The following VWA8 variants were observed in gnomAD, a reference collection of about 807,000 sequenced individuals.
VWA8 encodes the protein von Willebrand factor A domain-containing protein 8.
VWA8 carries 221 observed loss-of-function variants against 241.5 expected under a neutral mutation model. That is an observed-to-expected ratio of 0.91 (90% CI 0.82 to 1.02). The LOEUF is 1.02. Ranked by LOEUF, VWA8 falls within the 50% of genes least tolerant of loss-of-function variation. VWA8 has a pLI of 0.00. For synonymous variants in VWA8, 852 were observed against 827.1 expected (o/e 1.03, Z -0.52); for missense variants, 2,322 against 2,328.7 (o/e 1.00, Z 0.06).
chr13:41,893,701 T>C (rs913563998), intron 4 of VWA8, among the ~76,000 whole-genome samples: 11 of 152,032 alleles, frequency 7.2e-5, no homozygotes, highest in African/African-American at 1.9e-4. Context: ...CTGGCCAATA[T>C]TGTGAAACCC....
At chr13:41,784,946 A>G (rs1869118233) in intron 18 of VWA8, among the ~76,000 whole-genome samples, 1 of 151,244 alleles carries the variant, frequency 6.6e-6, no homozygotes, top group Non-Finnish European at 1.5e-5. Context: ...TTTGCTTTAA[A>G]TAGGTTGACC....
intron 13 of VWA8, 22 bp from the exon 14 acceptor site, chr13:41,830,664 C>T (rs58973858): frequency 1.9e-6 from 3 of 1,601,408 alleles, no homozygotes; most frequent in Non-Finnish European, 2.6e-6. Context: ...AGAAAAAAGC[C>T]CGAAAATAAA....
intron 37 of VWA8, among the ~76,000 whole-genome samples, chr13:41,616,822 G>C (rs1269051478): frequency 2.6e-5 from 4 of 152,136 alleles, no homozygotes; most frequent in African/African-American, 9.7e-5. Flanking sequence ...CATCTCATCA[G>C]ACAGCGCAGC....
chr13:41,928,227 T>C (rs1876939707), intron 2 of VWA8, among the ~76,000 whole-genome samples: 1 of 152,176 alleles, frequency 6.6e-6, no homozygotes, highest in Non-Finnish European at 1.5e-5. Context: ...ATACTGAGTT[T>C]GAATTGCACC....
At position 41,833,417 on chromosome 13, in the gene VWA8, C is replaced by G; in HGVS notation, c.1540G>C (p.Asp514His). The G allele has an allele frequency of 6.2e-7, 1 of 1,613,858 alleles. No homozygotes were observed. Among genetic ancestry groups the G allele is most frequent in the Non-Finnish European group, 8.5e-7 (1 of 1,179,910 alleles). Residue 514 changes from aspartate to histidine, a missense_variant, in exon 13 of 45, where the codon GAT (aspartate) becomes CAT (histidine). Coordinates refer to ENST00000379310, the MANE Select transcript of VWA8 (RefSeq NM_015058.2). The stretch of plus-strand genomic sequence containing the variant: ...CCCGCATTCACCCGGTGAATGCCAT[C>G]CAGCAGGACCAGCTTGCCTTCCAGA... ...AALEGKLVLL[D>H]GIHRVNAGTL...
At chr13:41,683,811 C>T (rs552216259) in intron 35 of VWA8, among the ~76,000 whole-genome samples, 1 of 152,064 alleles carries the variant, frequency 6.6e-6, no homozygotes, top group African/African-American at 2.4e-5. Flanking sequence ...TATATCAGGA[C>T]ATGGTGATTG....
At chr13:41,882,978 A>T (rs1874336262) in intron 9 of VWA8, among the ~76,000 whole-genome samples, 1 of 152,222 alleles carries the variant, frequency 6.6e-6, no homozygotes, top group Non-Finnish European at 1.5e-5. Context: ...TGTTTAAAAA[A>T]AGTCATGATT....
At chr13:41,888,942 G>A (rs1375410355) in intron 5 of VWA8, among the ~76,000 whole-genome samples, 1 of 152,186 alleles carries the variant, frequency 6.6e-6, no homozygotes, top group Non-Finnish European at 1.5e-5. Flanking sequence ...CCCTGTCTGA[G>A]AAACCAAAAG....
At chr13:41,658,904 T>A (rs1367751335) in intron 37 of VWA8, among the ~76,000 whole-genome samples, 2 of 152,210 alleles carry the variant, frequency 1.3e-5, no homozygotes, top group African/African-American at 4.8e-5. Context: ...ACCTGTATCT[T>A]CCTACCAGCA....
intron 1 of VWA8, among the ~76,000 whole-genome samples, chr13:41,952,439 C>A (rs1046680082): frequency 2.6e-5 from 4 of 152,128 alleles, no homozygotes; most frequent in Admixed American, 2.6e-4. Context: ...AGCTTGCTTA[C>A]AAATATAAGT....
chr13:41,819,186 A>C (rs1870834639), intron 15 of VWA8, 32 bp downstream of exon 15: 1 of 1,573,684 alleles, frequency 6.4e-7, no homozygotes, highest in Admixed American at 2.1e-5. Flanking sequence ...CAGCTTTTTA[A>C]GAAAATAGAC....
In VWA8 at chr13:41,833,381, C is replaced by T. The variant is rs780003441; in HGVS notation, c.1576G>A (p.Val526Ile). The change falls in exon 13 of 45, where the codon GTA becomes ATA. Residue 526 changes from valine (V) to isoleucine (I), a missense_variant. Val to Ile is a conservative substitution (Grantham distance 29). Transcript: ENST00000379310. ...GTGACTCATACCCACCTTTGCAATA[C>T]AGCAAGCGTGCCCGCATTCACCCGG... is the stretch of plus-strand genomic sequence containing the variant. ...IHRVNAGTLA[V>I]LQRLIHDREL... 1.4e-5 allele frequency: 22 copies of T among 1,610,082 alleles called. No individual in the cohort carries two copies. Among genetic ancestry groups the T allele is most frequent in the Middle Eastern group, 1.7e-4 (1 of 6,038 alleles).
At position 41,691,332 on chromosome 13, in the gene VWA8, C is replaced by T. The variant is rs1389665445; in HGVS notation, c.3854G>A (p.Ser1285Asn). ...VAEDKWLLVESKTNQKYLLTK... is the reference protein window; with the variant it reads ...VAEDKWLLVENKTNQKYLLTK... ...TAAAGCCACTCACTGATTTGTTTTG[C>T]TCTCCACCAGAAGCCATTTGTCCTC... The change falls in exon 32 of 45, where the codon AGC becomes AAC. Residue 1285 changes from serine (S) to asparagine (N), a missense_variant. Physicochemically the swap from Ser to Asn is conservative, Grantham distance 46. Transcript: ENST00000379310. 11 of 1,612,108 alleles carry T rather than the reference C, an allele frequency of 6.8e-6. No individual in the cohort carries two copies. Among genetic ancestry groups the T allele is most frequent in the Non-Finnish European group, 9.3e-6 (11 of 1,178,688 alleles).
chr13:41,720,175 C>T (rs1402694173), intron 25 of VWA8, among the ~76,000 whole-genome samples: 1 of 151,988 alleles, frequency 6.6e-6, no homozygotes, highest in African/African-American at 2.4e-5. Context: ...GATAAAGCAA[C>T]AAGAAAAGAA....
chr13:41,646,356 G>C (rs1474264096), intron 37 of VWA8, among the ~76,000 whole-genome samples: 1 of 152,190 alleles, frequency 6.6e-6, no homozygotes, highest in Non-Finnish European at 1.5e-5. Context: ...GAGTAATGAT[G>C]ATGAGTGACG....
In VWA8 at chr13:41,587,779, A is replaced by T. The variant is rs112641619; in HGVS notation, c.5113-109T>A. The stretch of plus-strand genomic sequence containing the variant: ...AGCGTGCCAGCCCCGAGATGGGCAG[A>T]CCAGCCATAGGCTCAGCCCTGCACA... On this transcript the variant is annotated intron_variant, in intron 41 of 44. Transcript: ENST00000379310. 1.4e-3 allele frequency: 1,887 copies of T among 1,348,134 alleles called. 21 individuals are homozygous for T. In the African/African-American group the frequency reaches 0.025, roughly 18 times the overall value. The allele number at this position is 1,348,134 out of a possible 1,614,324, so 83.5% of individuals were successfully genotyped here. A position where few individuals can be genotyped will look rare whatever the true frequency, so the allele number is the denominator to read the frequency against.
intron 40 of VWA8, 113 bp downstream of exon 40, chr13:41,605,055 G>T: frequency 1.1e-6 from 1 of 937,182 alleles, no homozygotes; most frequent in Non-Finnish European, 1.6e-6. Context: ...TTTTCACACT[G>T]AGACATTTTT....
At chr13:41,829,022 C>T (rs1429137466) in intron 14 of VWA8, among the ~76,000 whole-genome samples, 1 of 151,986 alleles carries the variant, frequency 6.6e-6, no homozygotes, top group East Asian at 1.9e-4. Context: ...GAGGATGAGC[C>T]CAGTTAATTG....
At chr13:41,839,346 T>C (rs1256279574) in intron 12 of VWA8, among the ~76,000 whole-genome samples, 1 of 152,238 alleles carries the variant, frequency 6.6e-6, no homozygotes, top group Non-Finnish European at 1.5e-5. Flanking sequence ...ATGGGGTTTT[T>C]TCTTGTAAAT....
Sources: allele counts gnomAD v4.1 joint callset (sites outside exome capture counted in the v4.1 genomes callset), GRCh38; gene constraint gnomAD v4.1.1; transcripts MANE v1.5; gene names NCBI Gene and HGNC (gene_info 2026-07-23, HGNC 2026-07-21).